Variants in MRAS observed in about 807,000 individuals in gnomAD.
MRAS encodes muscle RAS oncogene homolog, also known as ras-related protein M-Ras.
MRAS carries 4 observed loss-of-function variants against 20.9 expected under a neutral mutation model. That is an observed-to-expected ratio of 0.19 (90% confidence interval 0.09 to 0.44). MRAS has a LOEUF of 0.44. Ranked by LOEUF, MRAS falls within the 20% of genes least tolerant of loss-of-function variation. MRAS has a pLI of 0.99. For synonymous variants in MRAS, 98 were observed against 102.9 expected (o/e 0.95, Z 0.29); for missense variants, 154 against 277.5 (o/e 0.56, Z 3.16).
chr3:138,356,918 A>C (rs1043116704), intron 1 of MRAS, among the ~76,000 whole-genome samples: 1 of 152,072 alleles, frequency 6.6e-6, no homozygotes, highest in African/African-American at 2.4e-5. Context: ...CACCCACCGC[A>C]GTGGACAGCT....
intron 1 of MRAS, among the ~76,000 whole-genome samples, chr3:138,363,503 A>T (rs1386980494): frequency 6.6e-6 from 1 of 152,030 alleles, no homozygotes; most frequent in Non-Finnish European, 1.5e-5. Flanking sequence ...TACCCAGTGT[A>T]CCATAATCCT....
intron 1 of MRAS, among the ~76,000 whole-genome samples, chr3:138,363,119 C>T (rs186369912): frequency 3.5e-4 from 53 of 151,928 alleles, no homozygotes; most frequent in African/African-American, 1.3e-3. Context: ...CCACAGCAAC[C>T]TCCGCCTCCC....
At chr3:138,395,479 C>T (rs1184981220) in intron 2 of MRAS, among the ~76,000 whole-genome samples, 1 of 152,086 alleles carries the variant, frequency 6.6e-6, no homozygotes, top group Non-Finnish European at 1.5e-5. Context: ...CCCTTCTTGC[C>T]CTTGCACACC....
At chr3:138,394,556 A>C (rs183554942) in intron 2 of MRAS, among the ~76,000 whole-genome samples, 3 of 151,454 alleles carry the variant, frequency 2.0e-5, no homozygotes, top group East Asian at 1.9e-4. Flanking sequence ...CACACTGGCA[A>C]CTCCCACATC....
At chr3:138,351,373 C>T (rs931128697) in intron 1 of MRAS, among the ~76,000 whole-genome samples, 1 of 152,150 alleles carries the variant, frequency 6.6e-6, no homozygotes, top group African/African-American at 2.4e-5. Context: ...AGGCTCTGTA[C>T]CTGCCAGGCC....
intron 2 of MRAS, among the ~76,000 whole-genome samples, chr3:138,385,104 G>T (rs1430700634): frequency 6.7e-6 from 1 of 150,036 alleles, no homozygotes; most frequent in Non-Finnish European, 1.5e-5. Context: ...AGAGAGAAAT[G>T]AACAGTAGTG....
chr3:138,389,132 G>A (rs569112418), intron 2 of MRAS, among the ~76,000 whole-genome samples: 2 of 152,228 alleles, frequency 1.3e-5, no homozygotes, highest in Non-Finnish European at 2.9e-5. Context: ...GAGCCACCGT[G>A]CCCCACCATG....
intron 2 of MRAS, among the ~76,000 whole-genome samples, chr3:138,379,211 A>G (rs1357431413): frequency 1.3e-5 from 2 of 152,070 alleles, no homozygotes; most frequent in Non-Finnish European, 2.9e-5. Context: ...GATGTCAATC[A>G]TTCCACTCTC....
intron 2 of MRAS, among the ~76,000 whole-genome samples, chr3:138,390,589 C>T (rs940173593): frequency 6.6e-6 from 1 of 152,210 alleles, no homozygotes; most frequent in African/African-American, 2.4e-5. Flanking sequence ...GTGTAGCTGC[C>T]CATTATCTTC....
At chr3:138,354,170 G>A (rs1189668336) in intron 1 of MRAS, among the ~76,000 whole-genome samples, 2 of 152,190 alleles carry the variant, frequency 1.3e-5, no homozygotes, top group Admixed American at 6.5e-5. Flanking sequence ...TCGCTGGCAG[G>A]AGTCTTCCCT....
rs759736254 is a variant in MRAS, at chr3:138,398,530, A to G, written c.409A>G (p.Thr137Ala). 2 of 1,614,188 alleles carry G rather than the reference A, an allele frequency of 1.2e-6. No homozygotes were observed. The highest frequency in any genetic ancestry group is 1.1e-5 in the South Asian group (1 of 91,082). ...KVDLMHLRKI[T>A]REQGKEMATK... The stretch of plus-strand genomic sequence containing the variant: ...CGATTTGATGCACTTGAGGAAGATC[A>G]CCAGGGAGCAAGGAAAAGAAATGGC... The change falls in exon 4 of 6, where the codon ACC becomes GCC. Residue 137 changes from threonine to alanine, a missense_variant. Thr to Ala is a moderately conservative substitution (Grantham distance 58, BLOSUM62 0). Transcript: ENST00000423968.
In MRAS at chr3:138,387,478, G is replaced by A. The variant is rs2055041462; in HGVS notation, c.194-9846G>A. Among the ~76,000 whole-genome samples the A allele has an allele frequency of 2.0e-5, 3 of 152,334 alleles. No individual in the cohort carries two copies. In the South Asian group the frequency reaches 6.2e-4, roughly 32 times the overall value. On this transcript the variant is annotated intron_variant, in intron 2 of 5. Coordinates refer to ENST00000423968, the MANE Select transcript of MRAS (RefSeq NM_001085049.3). ...CAGAGCAAGGCTTGGAATCAGACGG[G>A]CATGGGTTCAAATCCTGCCTCTACT...
chr3:138,401,708 G>A (rs2055363786), intron 5 of MRAS, among the ~76,000 whole-genome samples: 1 of 152,206 alleles, frequency 6.6e-6, no homozygotes, highest in Admixed American at 6.5e-5. Flanking sequence ...CTATGGTGAT[G>A]CCTTGGTTGT....
intron 2 of MRAS, among the ~76,000 whole-genome samples, chr3:138,392,124 A>G (rs2055144018): frequency 1.3e-5 from 2 of 152,168 alleles, no homozygotes; most frequent in African/African-American, 4.8e-5. Flanking sequence ...GAGACAGAGT[A>G]AGACTCCATC....
intron 2 of MRAS, among the ~76,000 whole-genome samples, chr3:138,385,182 TTTA>T (rs1254066181): frequency 2.1e-5 from 3 of 143,930 alleles, no homozygotes; most frequent in African/African-American, 8.0e-5. Flanking sequence ...TTTTTTTTTT[TTTA>T]AAGACAGGGT....
At chr3:138,374,959 G>A (rs915655321) in intron 2 of MRAS, among the ~76,000 whole-genome samples, 2 of 151,992 alleles carry the variant, frequency 1.3e-5, no homozygotes. Flanking sequence ...TTAGCTCACT[G>A]CAACCACAAA....
intron 1 of MRAS, among the ~76,000 whole-genome samples, chr3:138,360,051 G>A (rs983439927): frequency 6.6e-6 from 1 of 152,160 alleles, no homozygotes; most frequent in African/African-American, 2.4e-5. Flanking sequence ...CAGCTGGTGC[G>A]GGGTGTCAGT....
At chr3:138,355,538 C>CA (rs1301888693) in intron 1 of MRAS, among the ~76,000 whole-genome samples, 1 of 152,242 alleles carries the variant, frequency 6.6e-6, no homozygotes, top group African/African-American at 2.4e-5. Flanking sequence ...CATCTGGTTT[C>CA]ATAATAGATA....
chr3:138,354,736 GA>G (rs1357684928), intron 1 of MRAS, among the ~76,000 whole-genome samples: 1 of 152,208 alleles, frequency 6.6e-6, no homozygotes, highest in African/African-American at 2.4e-5. Flanking sequence ...GGAAGACAGA[GA>G]AAACATATTC....
Sources: allele counts gnomAD v4.1 joint callset (sites outside exome capture counted in the v4.1 genomes callset), GRCh38; gene constraint gnomAD v4.1.1; transcripts MANE v1.5; gene names NCBI Gene and HGNC (gene_info 2026-07-23, HGNC 2026-07-21).